The following KIF3B variants were observed in gnomAD, a reference collection of about 807,000 sequenced individuals.
KIF3B encodes the protein kinesin family member 3B.
In KIF3B, 38 loss-of-function variants were observed where a neutral mutation model predicts 74.3. The ratio of observed to expected loss-of-function variants is 0.51; its 90% CI spans 0.39 to 0.67. The LOEUF (loss-of-function observed/expected upper bound fraction) is 0.67. Ranked by LOEUF, KIF3B falls within the 30% of genes least tolerant of loss-of-function variation. KIF3B has a pLI of 0.00. For missense variants in KIF3B, 649 were observed against 932.0 expected, an observed-to-expected ratio of 0.70 and a Z score of 3.95; for synonymous variants, 326 against 342.5, an observed-to-expected ratio of 0.95 and a Z score of 0.53.
intron 1 of KIF3B, among the ~76,000 whole-genome samples, chr20:32,284,436 T>C (rs2047658280): frequency 6.6e-6 from 1 of 152,174 alleles, no homozygotes; most frequent in Non-Finnish European, 1.5e-5. Flanking sequence ...GGGAGATCCT[T>C]GCTGCTCAAA....
intron 7 of KIF3B, among the ~76,000 whole-genome samples, chr20:32,328,649 A>G (rs1203215991): frequency 6.6e-6 from 1 of 151,546 alleles, no homozygotes; most frequent in Non-Finnish European, 1.5e-5. Context: ...GAAGGAGAGT[A>G]CAAACATCCT....
intron 1 of KIF3B, among the ~76,000 whole-genome samples, chr20:32,279,400 G>C (rs1371834069): frequency 1.3e-5 from 2 of 151,798 alleles, no homozygotes; most frequent in African/African-American, 4.8e-5. Context: ...AAGGAAACAA[G>C]ATCTCAGGTA....
chr20:32,329,557 A>T (rs2047920436), intron 7 of KIF3B, among the ~76,000 whole-genome samples: 1 of 151,776 alleles, frequency 6.6e-6, no homozygotes, highest in Non-Finnish European at 1.5e-5. Flanking sequence ...TTCTCTAATT[A>T]AGTTTCCCCA....
intron 1 of KIF3B, among the ~76,000 whole-genome samples, chr20:32,300,144 C>T (rs1045290591): frequency 2.0e-5 from 3 of 151,158 alleles, no homozygotes; most frequent in African/African-American, 4.9e-5. Context: ...CCTCTGTCAC[C>T]CAGGTTGGAG....
At chr20:32,293,615 A>G (rs2047703057) in intron 1 of KIF3B, among the ~76,000 whole-genome samples, 1 of 152,136 alleles carries the variant, frequency 6.6e-6, no homozygotes, top group African/African-American at 2.4e-5. Context: ...GTCTCAAAAA[A>G]ACAAACAAAG....
Position 32,277,703 on chromosome 20 carries a change from G to C in KIF3B, c.-128G>C. ...GGAATGGCTGAGCCAGGGGTTCGCC[G>C]CCCCCGCCGCCGCCGCCGCCGCCGC... is the stretch of plus-strand genomic sequence containing the variant. On this transcript the variant is annotated 5_prime_UTR_variant, in exon 1 of 9. Transcript: ENST00000375712. 1 of 263,604 alleles carries C rather than the reference G, an allele frequency of 3.8e-6. No individual in the cohort carries two copies. 16.3% of individuals were successfully genotyped at this position (263,604 alleles called of 1,614,324 possible).
rs560426387 is a variant in KIF3B at position 32,295,663 on chromosome 20, A to G, written c.-65-14050A>G. 3.3e-5 allele frequency among the ~76,000 whole-genome samples: 5 copies of G among 152,152 alleles called. No homozygotes were observed. In the East Asian group the frequency reaches 5.8e-4, roughly 18 times the overall value. ...TTCATTACTTTCTTATTTGACGTCT[A>G]TGCTCTAAATGCTTTTTAGAGCCGT... is the stretch of plus-strand genomic sequence containing the variant. On this transcript the variant is annotated intron_variant, in intron 1 of 8. Coordinates refer to ENST00000375712, the MANE Select transcript of KIF3B (RefSeq NM_004798.4).
chr20:32,313,898 A>G (rs1163125363), intron 2 of KIF3B, among the ~76,000 whole-genome samples: 1 of 152,066 alleles, frequency 6.6e-6, no homozygotes. Context: ...TGTAAAGACA[A>G]GGTCTCACTA....
chr20:32,316,361 G>C, intron 3 of KIF3B, 42 bp downstream of exon 3: 1 of 1,536,538 alleles, frequency 6.5e-7, no homozygotes. Flanking sequence ...GTGAGGTAAG[G>C]TGTGTTTATG....
chr20:32,327,136 G>T (rs2047907631), intron 6 of KIF3B, among the ~76,000 whole-genome samples: 1 of 152,138 alleles, frequency 6.6e-6, no homozygotes, highest in African/African-American at 2.4e-5. Flanking sequence ...CAAAGTTCCT[G>T]CATTTCTGTT....
At chr20:32,292,601 A>G (rs912240647) in intron 1 of KIF3B, among the ~76,000 whole-genome samples, 26 of 149,650 alleles carry the variant, frequency 1.7e-4, no homozygotes, top group Non-Finnish European at 3.1e-4. Flanking sequence ...AAAAAAAAAA[A>G]AAAAAGAAAA....
chr20:32,325,653 C>CTTT (rs200570783), intron 5 of KIF3B, among the ~76,000 whole-genome samples: 1,575 of 89,606 alleles, frequency 0.018, 103 homozygotes, highest in East Asian at 0.038. Flanking sequence ...CTCTCTCTCT[C>CTTT]TCTTTTTTTT....
Position 32,310,552 on chromosome 20 carries a change from G to C in KIF3B, c.775G>C (p.Gly259Arg), listed in dbSNP as rs1208350441. Residue 259 changes from glycine (G) to arginine (R), a missense_variant, in exon 2 of 9, where the codon GGG becomes CGG. Transcript: ENST00000375712. This position sits in a 1 kb window ranked among gnomAD's most constrained non-coding sequence, Gnocchi z 6.5. ...ACGGCAAGCCAAGACCGGCGCACAA[G>C]GGGAGAGATTAAAAGAAGCTACCAA... ...SERQAKTGAQ[G>R]ERLKEATKIN... 1 of 1,614,080 alleles carries C rather than the reference G, an allele frequency of 6.2e-7. No individual in the cohort carries two copies. Among genetic ancestry groups the C allele is most frequent in the African/African-American group, 1.3e-5 (1 of 75,032 alleles).
rs2047790481 is a variant in KIF3B, at chr20:32,309,824, G to C, written c.47G>C (p.Cys16Ser). ...SSESVRVVVR[C>S]RPMNGKEKAA... ...GAGTCAGTCAGGGTGGTGGTTCGCT[G>C]TCGGCCCATGAATGGCAAGGAAAAG... is the stretch of plus-strand genomic sequence containing the variant. The change falls in exon 2 of 9, where the codon TGT becomes TCT. Residue 16 changes from cysteine to serine, a missense_variant. Physicochemically the swap from Cys to Ser is moderately radical, Grantham distance 112. Coordinates refer to ENST00000375712, the MANE Select transcript of KIF3B (RefSeq NM_004798.4). The C allele has an allele frequency of 1.2e-6, 2 of 1,614,008 alleles. No homozygotes were observed. The highest frequency in any genetic ancestry group is 1.1e-5 in the South Asian group (1 of 91,084).
rs549030245 is a variant in KIF3B at position 32,302,925 on chromosome 20, G to A, written c.-65-6788G>A. Among the ~76,000 whole-genome samples the A allele has an allele frequency of 2.0e-5, 3 of 152,234 alleles. No homozygotes were observed. In the South Asian group the frequency reaches 6.2e-4, roughly 32 times the overall value. On this transcript the variant is annotated intron_variant, in intron 1 of 8. Transcript: ENST00000375712. ...TGTAGAAGAAGTTTGTCCAACCCGCGGCCCAGGATGGCTTTGAATGTGGCC... is the reference window on the plus strand; with the variant it reads ...TGTAGAAGAAGTTTGTCCAACCCGCAGCCCAGGATGGCTTTGAATGTGGCC...
intron 1 of KIF3B, among the ~76,000 whole-genome samples, chr20:32,283,374 C>T (rs1259219999): frequency 4.0e-5 from 6 of 151,856 alleles, no homozygotes; most frequent in African/African-American, 7.3e-5. Flanking sequence ...CGTGGTGGTG[C>T]GCACCTGTAA....
chr20:32,326,505 C>T (rs2047904410), intron 5 of KIF3B, among the ~76,000 whole-genome samples: 2 of 152,138 alleles, frequency 1.3e-5, no homozygotes, highest in East Asian at 1.9e-4. Context: ...CAGAAGTGAC[C>T]TCTCCATATT....
chr20:32,309,603 G>A, intron 1 of KIF3B, 110 bp from the exon 2 acceptor site: 1 of 661,622 alleles, frequency 1.5e-6, no homozygotes, highest in Non-Finnish European at 2.5e-6. Flanking sequence ...AAAGTTATCA[G>A]ATATGGCTGT....
chr20:32,280,714 C>CAAAAAAA (rs34366324), intron 1 of KIF3B, among the ~76,000 whole-genome samples: 7 of 51,338 alleles, frequency 1.4e-4, no homozygotes, highest in East Asian at 6.0e-4. Flanking sequence ...GACTCCGTCT[C>CAAAAAAA]AAAAAAAAAA....
Sources: gnomAD v4.1 joint callset for allele counts (sites outside exome capture counted in the v4.1 genomes callset) on GRCh38, gnomAD v4.1.1 for gene constraint, Gnocchi (gnomAD v3.1) non-coding constraint, MANE v1.5 for transcripts, NCBI Gene and HGNC (gene_info 2026-07-23, HGNC 2026-07-21) for gene names.